The following TP53BP1 variants were observed in gnomAD, a reference collection of about 807,000 sequenced individuals.
TP53BP1 encodes the protein TP53-binding protein 1.
A neutral mutation model predicts 200.8 loss-of-function variants in TP53BP1; 61 were observed. The observed-to-expected ratio is 0.30, with a 90% CI of 0.25 to 0.38. The LOEUF is 0.38. Among genes scored for constraint, TP53BP1 ranks in the 10% least tolerant of loss-of-function variants. The pLI, the probability that TP53BP1 is intolerant of heterozygous loss-of-function variation, is 1.00. For synonymous variants in TP53BP1, 822 were observed against 844.3 expected, an observed-to-expected ratio of 0.97 and a Z score of 0.46; for missense variants, 2,144 against 2,371.9, an observed-to-expected ratio of 0.90 and a Z score of 2.00.
intron 12 of TP53BP1, among the ~76,000 whole-genome samples, chr15:43,453,193 CAAAAAAAAAAAAAAA>C (rs34555611): frequency 2.4e-5 from 1 of 41,428 alleles, no homozygotes; most frequent in South Asian, 1.3e-3. Context: ...GACTCCGTCT[CAAAAAAAAAAAAAAA>C]AAAAAAAAAA....
chr15:43,423,053 A>G (rs1282886531), intron 18 of TP53BP1, among the ~76,000 whole-genome samples: 3 of 149,994 alleles, frequency 2.0e-5, no homozygotes, highest in Non-Finnish European at 4.4e-5. Context: ...ATGAAGGACA[A>G]AAAGGTTATA....
chr15:43,463,092 T>C (rs1474077379), intron 11 of TP53BP1, among the ~76,000 whole-genome samples: 1 of 152,132 alleles, frequency 6.6e-6, no homozygotes, highest in Non-Finnish European at 1.5e-5. Context: ...AATAATTCAA[T>C]GGCATTTGGT....
chr15:43,462,504 C>T (rs1217017376), intron 11 of TP53BP1, among the ~76,000 whole-genome samples: 1 of 151,642 alleles, frequency 6.6e-6, no homozygotes, highest in Non-Finnish European at 1.5e-5. Context: ...TGGGTAGAGA[C>T]GGGGGCCTCA....
chr15:43,449,457 C>A (rs575056778), intron 12 of TP53BP1, among the ~76,000 whole-genome samples: 3 of 152,288 alleles, frequency 2.0e-5, no homozygotes, highest in Non-Finnish European at 2.9e-5. Context: ...GAAAATATAT[C>A]CCTGTAACAA....
Position 43,469,937 on chromosome 15 carries a change from G to A in TP53BP1, c.1310C>T (p.Ala437Val). The change falls in exon 11 of 28, where the codon GCC (alanine) becomes GTC (valine). Residue 437 changes from alanine to valine, a missense_variant. Ala to Val is a moderately conservative substitution (Grantham distance 64). Around this residue, in one of 4 missense-constraint regions of TP53BP1, gnomAD observed 1,700 missense variants for 1,710.3 expected, o/e 0.99. Coordinates refer to ENST00000382044, the MANE Select transcript of TP53BP1 (RefSeq NM_001141980.3). ...LLPESTVSPQ[A>V]STPISQSTPV... ...TGTGCTCTGAGATATTGGTGTTGAG[G>A]CTTGTGGTGATACAGTGGACTCAGG... The A allele has an allele frequency of 6.2e-7, 1 of 1,614,096 alleles. No individual in the cohort carries two copies. The highest frequency in any genetic ancestry group is 8.5e-7 in the Non-Finnish European group (1 of 1,180,046).
At chr15:43,407,906 C>A in intron 27 of TP53BP1, 37 bp downstream of exon 27, 1 of 1,591,810 alleles carries the variant, frequency 6.3e-7, no homozygotes, top group Non-Finnish European at 8.5e-7. Context: ...TAAGGAGATC[C>A]CTGGAACAAA....
rs539202174 is a variant in TP53BP1, at chr15:43,435,300, T to C, written c.3192-2623A>G. Among the ~76,000 whole-genome samples the C allele has an allele frequency of 5.2e-4, 72 of 137,148 alleles. No homozygotes were observed. The South Asian group carries it at 0.013, about 25-fold the overall frequency. 90.0% of individuals were successfully genotyped at this position (137,148 alleles called of 152,430 possible). A position where few individuals can be genotyped will look rare whatever the true frequency, so the allele number is the denominator to read the frequency against. On this transcript the variant is annotated intron_variant, in intron 16 of 27. Transcript: ENST00000382044. ...AAAAAAAAAAAAAAAAAATCCAAAT[T>C]GAAATAGGGAAGAATACATCTCCAT...
chr15:43,408,181 C>A (rs1335607987), intron 26 of TP53BP1, 93 bp from the exon 27 acceptor site: 19 of 1,297,464 alleles, frequency 1.5e-5, no homozygotes, highest in Non-Finnish European at 1.9e-5. Context: ...TGAATGCTTT[C>A]AAAAATAAAT....
At chr15:43,450,534 T>C (rs1259906158) in intron 12 of TP53BP1, among the ~76,000 whole-genome samples, 3 of 152,208 alleles carry the variant, frequency 2.0e-5, no homozygotes, top group South Asian at 2.1e-4. Context: ...TATTACAGAC[T>C]ATTACTTATG....
chr15:43,493,548 A>C (rs907946259), upstream of TP53BP1, among the ~76,000 whole-genome samples: 7 of 122,584 alleles, frequency 5.7e-5, no homozygotes, highest in African/African-American at 2.6e-4. Flanking sequence ...GGCAAAGAAG[A>C]AGCGGCTTGA....
chr15:43,444,277 A>C (rs529073068), intron 14 of TP53BP1, among the ~76,000 whole-genome samples: 1 of 152,212 alleles, frequency 6.6e-6, no homozygotes, highest in South Asian at 2.1e-4. Context: ...ACCCTTTTTA[A>C]AATTTTTATT....
At chr15:43,492,928 G>A in intron 1 of TP53BP1, 109 bp downstream of exon 1, 8 of 311,068 alleles carry the variant, frequency 2.6e-5, no homozygotes, top group Non-Finnish European at 3.7e-5. Flanking sequence ...CCCCTTCCCC[G>A]TCACCGCCGC....
chr15:43,431,152 G>A (rs1315878135), intron 17 of TP53BP1, among the ~76,000 whole-genome samples: 1 of 152,116 alleles, frequency 6.6e-6, no homozygotes, highest in Non-Finnish European at 1.5e-5. Context: ...AAGAGGGACA[G>A]CACTTTATCA....
intron 11 of TP53BP1, among the ~76,000 whole-genome samples, chr15:43,465,204 G>C (rs933815950): frequency 6.6e-6 from 1 of 152,036 alleles, no homozygotes; most frequent in Non-Finnish European, 1.5e-5. Context: ...TATAGAGACA[G>C]AAAGTAGACT....
In TP53BP1 at chr15:43,474,733, C is replaced by T. The variant is rs756444130; in HGVS notation, c.1120G>A (p.Ala374Thr). The change falls in exon 10 of 28, where the codon GCT becomes ACT. Residue 374 changes from alanine (A) to threonine (T), a missense_variant. Transcript: ENST00000382044. ...SSDLVAPSPD[A>T]FRSTPFIVPS... Reference sequence around the variant, plus strand: ...ACGATAAAAGGAGTAGATCGGAAAGCATCAGGAGAAGGAGCAACAAGATCT... The same window carrying T: ...ACGATAAAAGGAGTAGATCGGAAAGTATCAGGAGAAGGAGCAACAAGATCT... 3 of 1,613,356 alleles carry T rather than the reference C, an allele frequency of 1.9e-6. No homozygotes were observed. The highest frequency in any genetic ancestry group is 2.7e-5 in the African/African-American group (2 of 74,900).
intron 4 of TP53BP1, among the ~76,000 whole-genome samples, chr15:43,488,771 G>A: frequency 6.6e-6 from 1 of 152,140 alleles, no homozygotes; most frequent in East Asian, 1.9e-4. Context: ...GTGGACACCT[G>A]TAATCCCAGC....
At chr15:43,491,222 A>T (rs1283984723) in intron 4 of TP53BP1, among the ~76,000 whole-genome samples, 2 of 152,096 alleles carry the variant, frequency 1.3e-5, no homozygotes, top group African/African-American at 4.8e-5. Context: ...CTGGGATTAC[A>T]GGCACGCACC....
chr15:43,442,841 T>C (rs2045961288), intron 14 of TP53BP1, among the ~76,000 whole-genome samples: 1 of 144,604 alleles, frequency 6.9e-6, no homozygotes, highest in Non-Finnish European at 1.5e-5. Context: ...TTTTTTTTTT[T>C]TGGAGACAGA....
chr15:43,465,981 G>A (rs1465958773), intron 11 of TP53BP1, among the ~76,000 whole-genome samples: 2 of 152,100 alleles, frequency 1.3e-5, no homozygotes, highest in African/African-American at 4.8e-5. Context: ...CAGCAGCACT[G>A]GAAGTTGGAA....
Sources: allele counts gnomAD v4.1 joint callset (sites outside exome capture counted in the v4.1 genomes callset), GRCh38; gene constraint gnomAD v4.1.1; regional missense constraint gnomAD v4.1.1; transcripts MANE v1.5; gene names NCBI Gene and HGNC (gene_info 2026-07-23, HGNC 2026-07-21).